Variants in SETD2 observed in about 807,000 individuals in gnomAD.
The protein encoded by SETD2 is SET domain containing 2, histone lysine methyltransferase.
A neutral mutation model predicts 242.1 loss-of-function variants in SETD2; 31 were observed. That is an observed-to-expected ratio of 0.13 (90% CI 0.10 to 0.17). The LOEUF (loss-of-function observed/expected upper bound fraction) is 0.17. Ranked by LOEUF, SETD2 falls within the 10% of genes least tolerant of loss-of-function variation. The pLI is 1.00. For synonymous variants in SETD2, 1,006 were observed against 1,066.5 expected (o/e 0.94, Z 1.11); for missense variants, 2,481 against 3,046.3 (o/e 0.81, Z 4.37).
chr3:47,020,917 T>C (rs143002910), intron 18 of SETD2, among the ~76,000 whole-genome samples: 219 of 152,342 alleles, frequency 1.4e-3, no homozygotes, highest in African/African-American at 5.1e-3. Context: ...CTTTAGGCTG[T>C]TACAAATCAA....
Position 47,120,344 on chromosome 3 carries a change from A to T in SETD2, c.4292T>A (p.Val1431Glu), listed in dbSNP as rs1226885899. 1 of 1,613,432 alleles carries T rather than the reference A, an allele frequency of 6.2e-7. No homozygotes were observed. Among genetic ancestry groups the T allele is most frequent in the Non-Finnish European group, 8.5e-7 (1 of 1,179,802 alleles). Reference protein sequence around the residue: ...LQDRKKVRVEVEQGETSVPPG... With the variant: ...LQDRKKVRVEEEQGETSVPPG... ...GGGCACTGATGTCTCTCCCTGCTCT[A>T]CCTCCACTCTAACTTTCTTTCTGTC... The change falls in exon 3 of 21, where the codon GTA becomes GAA. Residue 1431 changes from valine (V) to glutamate (E), a missense_variant. This residue lies in a region of SETD2 where 1,300 missense variants were observed against 1,259.2 expected (regional missense o/e 1.03). Coordinates refer to ENST00000409792, the MANE Select transcript of SETD2 (RefSeq NM_014159.7).
At chr3:47,153,329 C>A (rs549381089) in intron 1 of SETD2, among the ~76,000 whole-genome samples, 1 of 152,268 alleles carries the variant, frequency 6.6e-6, no homozygotes, top group African/African-American at 2.4e-5. Flanking sequence ...AGGTAATTGC[C>A]TTTCATTTGA....
chr3:47,120,917 G>C lies in SETD2; in HGVS notation c.3719C>G (p.Ser1240Cys), dbSNP rs2107747463. Residue 1240 changes from serine to cysteine, a missense_variant, in exon 3 of 21, where the codon TCT becomes TGT. Transcript: ENST00000409792. ...LGKTELSFSS[S>C]CEIPHVDGLH... Reference sequence around the variant, plus strand: ...GCCATCCACATGTGGTATCTCACAAGAGGAAGAAAAACTCAATTCTGTTTT... The same window carrying C: ...GCCATCCACATGTGGTATCTCACAACAGGAAGAAAAACTCAATTCTGTTTT... The C allele has an allele frequency of 6.2e-7, 1 of 1,614,232 alleles. No homozygotes were observed. Among genetic ancestry groups the C allele is most frequent in the South Asian group, 1.1e-5 (1 of 91,084 alleles).
chr3:47,154,038 A>C (rs2044065278), intron 1 of SETD2, among the ~76,000 whole-genome samples: 1 of 152,216 alleles, frequency 6.6e-6, no homozygotes, highest in South Asian at 2.1e-4. Context: ...CTAATATACT[A>C]ACCAGACATC....
intron 18 of SETD2, among the ~76,000 whole-genome samples, chr3:47,026,206 GATC>G (rs564581422): frequency 2.3e-3 from 344 of 152,290 alleles, no homozygotes; most frequent in African/African-American, 6.5e-3. Context: ...ATGAAAAAAT[GATC>G]ATCATCACTG....
At chr3:47,101,323 C>A in intron 8 of SETD2, 135 bp downstream of exon 8, 1 of 575,738 alleles carries the variant, frequency 1.7e-6, no homozygotes, top group Non-Finnish European at 3.1e-6. Flanking sequence ...CACACAAAAC[C>A]AAAACAATAT....
intron 12 of SETD2, among the ~76,000 whole-genome samples, chr3:47,073,752 T>G (rs1297267668): frequency 6.6e-6 from 1 of 152,196 alleles, no homozygotes; most frequent in African/African-American, 2.4e-5. Context: ...GTTCAATACC[T>G]AATACATATG....
chr3:47,030,902 A>G (rs1252470909), intron 18 of SETD2, among the ~76,000 whole-genome samples: 5 of 152,214 alleles, frequency 3.3e-5, no homozygotes, highest in Non-Finnish European at 7.3e-5. Flanking sequence ...GCACTCAGAC[A>G]TTCAGTGCTA....
At chr3:47,068,862 G>C (rs1037824021) in intron 12 of SETD2, among the ~76,000 whole-genome samples, 1 of 151,820 alleles carries the variant, frequency 6.6e-6, no homozygotes, top group South Asian at 2.1e-4. Flanking sequence ...GCAGTGGTGC[G>C]ATCTCAGCTC....
intron 9 of SETD2, among the ~76,000 whole-genome samples, chr3:47,092,325 A>T (rs2041838445): frequency 6.6e-6 from 1 of 152,152 alleles, no homozygotes; most frequent in African/African-American, 2.4e-5. Context: ...CCTGGGAGAC[A>T]GAGGTGGGAA....
intron 1 of SETD2, among the ~76,000 whole-genome samples, chr3:47,148,832 C>T (rs962333898): frequency 3.9e-5 from 6 of 152,128 alleles, no homozygotes; most frequent in Admixed American, 3.9e-4. Flanking sequence ...GAGGCTGAGG[C>T]GGGAGGATCA....
chr3:47,155,538 C>T (rs1317623524), intron 1 of SETD2, among the ~76,000 whole-genome samples: 1 of 152,176 alleles, frequency 6.6e-6, no homozygotes, highest in African/African-American at 2.4e-5. Flanking sequence ...TTCTGACAGG[C>T]GCAGTGGCTC....
At chr3:47,043,369 A>G (rs12715421) in intron 16 of SETD2, among the ~76,000 whole-genome samples, 99,275 of 151,984 alleles carry the variant, frequency 0.65, 32,866 homozygotes, top group African/African-American at 0.76. Flanking sequence ...GAGGACACTC[A>G]CAGAGAAAAG....
intron 18 of SETD2, among the ~76,000 whole-genome samples, chr3:47,020,965 T>C (rs2038191961): frequency 6.6e-6 from 1 of 152,238 alleles, no homozygotes; most frequent in African/African-American, 2.4e-5. Flanking sequence ...ACGTATTTTC[T>C]ATTTTTCCAA....
At position 47,016,568 on chromosome 3, in the gene SETD2, G is replaced by C. The variant is rs1164046201; in HGVS notation, c.*525C>G. On this transcript the variant is annotated 3_prime_UTR_variant, in exon 21 of 21. Coordinates refer to ENST00000409792, the MANE Select transcript of SETD2 (RefSeq NM_014159.7). ...CAAAACCACAAGGCAGCCTGCTTTA[G>C]AATATTTACATGATAACAAATTAAA... 1 of 233,622 alleles carries C rather than the reference G, an allele frequency of 4.3e-6. No homozygotes were observed. Among genetic ancestry groups the C allele is most frequent in the African/African-American group, 2.2e-5 (1 of 45,326 alleles). The allele number at this position is 233,622 out of a possible 1,614,324, so 14.5% of individuals were successfully genotyped here.
chr3:47,117,325 A>T (rs1475146153), intron 3 of SETD2, among the ~76,000 whole-genome samples: 1 of 151,828 alleles, frequency 6.6e-6, no homozygotes, highest in Admixed American at 6.6e-5. Flanking sequence ...AACCTTGGCA[A>T]ATGGGGAAGA....
At chr3:47,080,211 A>C (rs971737663) in intron 12 of SETD2, among the ~76,000 whole-genome samples, 4 of 152,206 alleles carry the variant, frequency 2.6e-5, no homozygotes, top group African/African-American at 9.7e-5. Context: ...AATTAAAGAT[A>C]ATGTCTTGAG....
intron 1 of SETD2, among the ~76,000 whole-genome samples, chr3:47,128,947 G>A (rs577358088): frequency 4.6e-5 from 7 of 152,222 alleles, no homozygotes; most frequent in Admixed American, 2.0e-4. Context: ...TGCATAGTAC[G>A]CACACATACG....
chr3:47,094,171 T>C (rs555040932), intron 9 of SETD2, among the ~76,000 whole-genome samples: 8 of 152,286 alleles, frequency 5.3e-5, no homozygotes, highest in African/African-American at 1.9e-4. Context: ...CTAAGGGAAG[T>C]TTCAGATTAT....
Sources: allele counts gnomAD v4.1 joint callset (sites outside exome capture counted in the v4.1 genomes callset), GRCh38; gene constraint gnomAD v4.1.1; regional missense constraint gnomAD v4.1.1; transcripts MANE v1.5; gene names NCBI Gene and HGNC (gene_info 2026-07-23, HGNC 2026-07-21).